Variants in MBD2 observed in about 807,000 individuals in gnomAD.
The protein encoded by MBD2 is methyl-CpG-binding domain protein 2.
In MBD2, 9 loss-of-function variants were observed where a neutral mutation model predicts 39.3. The observed-to-expected ratio is 0.23, with a 90% confidence interval of 0.14 to 0.40. The LOEUF (loss-of-function observed/expected upper bound fraction) is 0.40. Ranked by LOEUF, MBD2 falls within the 10% of genes least tolerant of loss-of-function variation. The pLI, the probability that MBD2 is intolerant of heterozygous loss-of-function variation, is 1.00. For missense variants in MBD2, 458 were observed against 532.6 expected (o/e 0.86, Z 1.38); for synonymous variants, 233 against 211.1 (o/e 1.10, Z -0.90).
chr18:54,202,100 T>C (rs1467548266), intron 2 of MBD2, among the ~76,000 whole-genome samples: 2 of 151,876 alleles, frequency 1.3e-5, no homozygotes, highest in Admixed American at 6.6e-5. Flanking sequence ...CCCAGCACTT[T>C]GGGAGGCTGA....
Position 54,200,289 on chromosome 18 carries a change from T to A in MBD2, c.702+4709A>T, listed in dbSNP as rs568111016. On this transcript the variant is annotated intron_variant, in intron 2 of 6. Coordinates refer to ENST00000256429, the MANE Select transcript of MBD2 (RefSeq NM_003927.5). ...CCATATTCATATTGTAAGCAATTTG[T>A]AGAATATGTCATATGTCACATTAAA... 1.1e-3 allele frequency among the ~76,000 whole-genome samples: 169 copies of A among 152,378 alleles called. 1 individual carries two copies. In the Middle Eastern group the frequency reaches 0.017, roughly 15 times the overall value.
intron 3 of MBD2, among the ~76,000 whole-genome samples, chr18:54,171,926 CCTT>C (rs1478176355): frequency 1.3e-4 from 20 of 152,218 alleles, no homozygotes; most frequent in African/African-American, 4.6e-4. Context: ...ATTAAACAGT[CCTT>C]CTCTTAACAA....
At chr18:54,175,415 C>A (rs1028149802) in intron 3 of MBD2, among the ~76,000 whole-genome samples, 1 of 152,202 alleles carries the variant, frequency 6.6e-6, no homozygotes, top group Non-Finnish European at 1.5e-5. Flanking sequence ...AAATAAGAAT[C>A]CTGCTGCCCT....
intron 3 of MBD2, among the ~76,000 whole-genome samples, chr18:54,172,378 C>A (rs972503382): frequency 6.6e-6 from 1 of 152,144 alleles, no homozygotes; most frequent in African/African-American, 2.4e-5. Context: ...AGACCCCACT[C>A]CAAGAAAACA....
intron 3 of MBD2, among the ~76,000 whole-genome samples, chr18:54,173,134 T>G (rs993838757): frequency 6.6e-6 from 1 of 152,182 alleles, no homozygotes; most frequent in African/African-American, 2.4e-5. Flanking sequence ...TTCCCTTCCC[T>G]TTCAGTTGGG....
At chr18:54,223,973 C>G in intron 1 of MBD2, 45 bp downstream of exon 1, 1 of 1,447,846 alleles carries the variant, frequency 6.9e-7, no homozygotes, top group Non-Finnish European at 9.4e-7. Context: ...TGACCCCTGA[C>G]CCCGGCCTGA....
At chr18:54,220,566 AG>A (rs1473804852) in intron 1 of MBD2, among the ~76,000 whole-genome samples, 4 of 152,202 alleles carry the variant, frequency 2.6e-5, no homozygotes, top group African/African-American at 9.7e-5. Context: ...TAATCTCCCC[AG>A]GGGCAGGCTA....
At chr18:54,176,439 T>C (rs546320309) in intron 3 of MBD2, among the ~76,000 whole-genome samples, 1 of 152,388 alleles carries the variant, frequency 6.6e-6, no homozygotes, top group South Asian at 2.1e-4. Context: ...ATCAATTGAA[T>C]GAATATCTTA....
chr18:54,159,987 C>A, intron 5 of MBD2, 84 bp from the exon 6 acceptor site: 1 of 1,425,392 alleles, frequency 7.0e-7, no homozygotes, highest in Non-Finnish European at 9.6e-7. Flanking sequence ...ATCCTTACTT[C>A]AAAATAATTA....
At chr18:54,210,024 T>C (rs1277150537) in intron 1 of MBD2, among the ~76,000 whole-genome samples, 1 of 152,096 alleles carries the variant, frequency 6.6e-6, no homozygotes, top group Non-Finnish European at 1.5e-5. Flanking sequence ...TATTAGTCAT[T>C]TTCAGTTCTC....
intron 1 of MBD2, among the ~76,000 whole-genome samples, chr18:54,210,764 A>G (rs2086497558): frequency 6.6e-6 from 1 of 152,114 alleles, no homozygotes; most frequent in African/African-American, 2.4e-5. Flanking sequence ...TCCCATCAGT[A>G]TCAGGAAATA....
At chr18:54,169,440 T>A (rs545201900) in intron 3 of MBD2, among the ~76,000 whole-genome samples, 1 of 151,170 alleles carries the variant, frequency 6.6e-6, no homozygotes, top group African/African-American at 2.5e-5. Flanking sequence ...GAAAAGGTCT[T>A]CCTTTGCCTA....
In MBD2 at chr18:54,215,279, C is replaced by G. The variant is rs561630696; in HGVS notation, c.542+8739G>C. 1.4e-4 allele frequency among the ~76,000 whole-genome samples: 21 copies of G among 152,264 alleles called. No individual in the cohort carries two copies. In the South Asian group the frequency reaches 4.1e-3, roughly 30 times the overall value. On this transcript the variant is annotated intron_variant, in intron 1 of 6. Coordinates refer to ENST00000256429, the MANE Select transcript of MBD2 (RefSeq NM_003927.5). Reference sequence around the variant, plus strand: ...TTTGGAAACTGTCATGGTAACTTGACAGGGTAAGTTTATGTGACTCAGGAA... The same window carrying G: ...TTTGGAAACTGTCATGGTAACTTGAGAGGGTAAGTTTATGTGACTCAGGAA...
chr18:54,222,584 C>A (rs987786692), intron 1 of MBD2, among the ~76,000 whole-genome samples: 1 of 152,248 alleles, frequency 6.6e-6, no homozygotes, highest in Admixed American at 6.5e-5. Context: ...TCTCTCGCCC[C>A]AGCCCCGTAA....
intron 3 of MBD2, among the ~76,000 whole-genome samples, chr18:54,188,115 C>A (rs895605112): frequency 1.3e-5 from 2 of 151,964 alleles, no homozygotes. Flanking sequence ...GAAAAAAAAA[C>A]GCACAGATGT....
At position 54,151,747 on chromosome 18, in the gene MBD2, G is replaced by A. The variant is rs1323739490; in HGVS notation, c.*3577C>T. ...TTATATCTTTGCAATTATTTATGAA[G>A]ATCTATATTATTTTAAAAATCCAAA... On this transcript the variant is annotated 3_prime_UTR_variant, in exon 7 of 7. Coordinates refer to ENST00000256429, the MANE Select transcript of MBD2 (RefSeq NM_003927.5). The A allele has an allele frequency of 6.8e-6, 1 of 147,950 alleles. No individual in the cohort carries two copies. The highest frequency in any genetic ancestry group is 2.5e-5 in the African/African-American group (1 of 40,084). 9.2% of individuals were successfully genotyped at this position (147,950 alleles called of 1,614,324 possible). A position where few individuals can be genotyped will look rare whatever the true frequency, so the allele number is the denominator to read the frequency against.
intron 2 of MBD2, among the ~76,000 whole-genome samples, chr18:54,189,842 G>A (rs996578516): frequency 4.0e-5 from 6 of 151,760 alleles, no homozygotes; most frequent in Non-Finnish European, 7.4e-5. Context: ...TAGAGATGGG[G>A]TCTCCCTACA....
rs2086026879 is a variant in MBD2 at position 54,152,332 on chromosome 18, A to C, written c.*2992T>G. The C allele has an allele frequency of 6.6e-6, 1 of 152,274 alleles. No homozygotes were observed. Among genetic ancestry groups the C allele is most frequent in the Non-Finnish European group, 1.5e-5 (1 of 68,096 alleles). 9.4% of individuals were successfully genotyped at this position (152,274 alleles called of 1,614,324 possible). On this transcript the variant is annotated 3_prime_UTR_variant, in exon 7 of 7. Transcript: ENST00000256429. ...GGGCACTTCAAAGAAGCAAGTAAAG[A>C]GGTTTTTCTTGAGCTGAAGGTGCAG...
intron 1 of MBD2, among the ~76,000 whole-genome samples, chr18:54,217,846 TTGCATG>T (rs1409419542): frequency 1.3e-5 from 2 of 152,202 alleles, no homozygotes; most frequent in African/African-American, 4.8e-5. Flanking sequence ...AGGTGAGACT[TTGCATG>T]TCAGATTCTA....
Sources: gnomAD v4.1 joint callset for allele counts (sites outside exome capture counted in the v4.1 genomes callset) on GRCh38, gnomAD v4.1.1 for gene constraint, MANE v1.5 for transcripts, NCBI Gene and HGNC (gene_info 2026-07-23, HGNC 2026-07-21) for gene names.